Variants in KLF8 observed in about 807,000 individuals in gnomAD.
KLF8 encodes the protein KLF transcription factor 8, also known as Krueppel-like factor 8.
Under a neutral mutation model 18.2 loss-of-function variants are expected in KLF8, and 10 were observed. The observed-to-expected ratio is 0.55, with a 90% CI of 0.34 to 0.93. The LOEUF is 0.93. Among genes scored for constraint, KLF8 ranks in the 40% least tolerant of loss-of-function variants. KLF8 has a pLI of 0.02. For missense variants in KLF8, 264 were observed against 277.9 expected (o/e 0.95, Z 0.36); for synonymous variants, 109 against 97.3 (o/e 1.12, Z -0.71).
chrX:55,944,040 T>C, the KLF8 span, among the ~76,000 whole-genome samples: 1 of 112,508 alleles, frequency 8.9e-6, no homozygotes, highest in South Asian at 3.7e-4. Context: ...GTTTTTAGCA[T>C]GAAGTGTTGA....
At chrX:55,944,751 A>G in the KLF8 span, among the ~76,000 whole-genome samples, 1 of 111,003 alleles carries the variant, frequency 9.0e-6, no homozygotes, top group Admixed American at 9.6e-5. Context: ...CTAGTGGTCT[A>G]TCAATTTTGT....
chrX:56,251,200 T>C (rs1249580296), intron 2 of KLF8, among the ~76,000 whole-genome samples: 2 of 112,256 alleles, frequency 1.8e-5, no homozygotes, highest in African/African-American at 6.5e-5. Context: ...ATCTGGATTT[T>C]ATGTCCCAGG....
At chrX:56,160,388 G>A in the KLF8 span, among the ~76,000 whole-genome samples, 1 of 111,675 alleles carries the variant, frequency 9.0e-6, no homozygotes, top group Non-Finnish European at 1.9e-5. Context: ...GGAGAGTTCT[G>A]TAGATATCTA....
At chrX:56,136,673 C>G in the KLF8 span, among the ~76,000 whole-genome samples, 1 of 111,528 alleles carries the variant, frequency 9.0e-6, no homozygotes, top group Non-Finnish European at 1.9e-5. Context: ...CTAGGCATTA[C>G]CATACAGGAC....
chrX:56,235,783 A>G (rs183616240), intron 1 of KLF8, among the ~76,000 whole-genome samples: 11 of 111,773 alleles, frequency 9.8e-5, no homozygotes, highest in African/African-American at 3.6e-4. Flanking sequence ...CTGTTTCCTC[A>G]TCTCTAAAAT....
At chrX:56,043,271 G>A in the KLF8 span, among the ~76,000 whole-genome samples, 3 of 109,673 alleles carry the variant, frequency 2.7e-5, no homozygotes, top group Non-Finnish European at 3.8e-5. Context: ...TGACCTTGGA[G>A]AATTGGATGA....
the KLF8 span, among the ~76,000 whole-genome samples, chrX:56,218,732 G>A: frequency 8.9e-6 from 1 of 112,004 alleles, no homozygotes; most frequent in African/African-American, 3.2e-5. Context: ...AGGTCCCAAA[G>A]GGGCAAATCT....
the KLF8 span, among the ~76,000 whole-genome samples, chrX:56,181,588 C>G: frequency 9.0e-6 from 1 of 111,491 alleles, no homozygotes; most frequent in Non-Finnish European, 1.9e-5. Context: ...GCATGTTTTT[C>G]AGTAGCTGGT....
chrX:55,953,475 T>A, the KLF8 span, among the ~76,000 whole-genome samples: 2 of 110,020 alleles, frequency 1.8e-5, no homozygotes, highest in Non-Finnish European at 3.8e-5. Context: ...CAGAAATTGA[T>A]AAGGTGACCC....
chrX:56,011,313 T>A, the KLF8 span, among the ~76,000 whole-genome samples: 8 of 112,097 alleles, frequency 7.1e-5, no homozygotes, highest in African/African-American at 2.6e-4. Context: ...CAAGATTGAG[T>A]AATTCACTCA....
the KLF8 span, among the ~76,000 whole-genome samples, chrX:56,190,149 G>A: frequency 9.0e-6 from 1 of 111,339 alleles, no homozygotes; most frequent in Non-Finnish European, 1.9e-5. Flanking sequence ...TATATTGCAT[G>A]CCATTGGAAA....
chrX:56,164,825 A>G, the KLF8 span, among the ~76,000 whole-genome samples: 1 of 87,138 alleles, frequency 1.1e-5, no homozygotes, highest in African/African-American at 4.4e-5. Context: ...ATATGTATAC[A>G]TGTGCCATGC....
chrX:56,105,815 A>G, the KLF8 span, among the ~76,000 whole-genome samples: 1 of 111,552 alleles, frequency 9.0e-6, no homozygotes, highest in African/African-American at 3.3e-5. Flanking sequence ...CATAGCATCA[A>G]TGGTCTTTAC....
the KLF8 span, among the ~76,000 whole-genome samples, chrX:56,049,283 G>A: frequency 9.9e-5 from 11 of 111,143 alleles, no homozygotes; most frequent in African/African-American, 2.9e-4. Context: ...GATTATCCTG[G>A]CCAGAACTTC....
upstream of KLF8, among the ~76,000 whole-genome samples, chrX:56,229,451 C>A (rs1316538958): frequency 8.9e-6 from 1 of 111,787 alleles, no homozygotes; most frequent in Non-Finnish European, 1.9e-5. Flanking sequence ...TTATTCTAGC[C>A]AGCTAAAGAA....
the KLF8 span, among the ~76,000 whole-genome samples, chrX:56,095,610 A>T: frequency 3.6e-5 from 4 of 112,320 alleles, no homozygotes; most frequent in South Asian, 1.4e-3. Context: ...ACAACAGGAA[A>T]AAAACAAATA....
the KLF8 span, among the ~76,000 whole-genome samples, chrX:56,021,065 T>C: frequency 0.015 from 1,668 of 112,427 alleles, 39 homozygotes; most frequent in African/African-American, 0.051. Context: ...CATGCACAGC[T>C]CAGCAAGTTT....
chrX:56,057,838 G>A, the KLF8 span, among the ~76,000 whole-genome samples: 2 of 110,139 alleles, frequency 1.8e-5, no homozygotes, highest in African/African-American at 6.6e-5. Context: ...GAAACTCTCT[G>A]GGCTTCACCT....
the KLF8 span, among the ~76,000 whole-genome samples, chrX:55,996,146 G>A: frequency 1.8e-5 from 2 of 111,570 alleles, no homozygotes; most frequent in Admixed American, 9.5e-5. Context: ...TCTCAGCTTG[G>A]TCTATTCTGC....
Sources: gnomAD v4.1 joint callset for allele counts (sites outside exome capture counted in the v4.1 genomes callset) on GRCh38, gnomAD v4.1.1 for gene constraint, MANE v1.5 for transcripts, NCBI Gene and HGNC (gene_info 2026-07-23, HGNC 2026-07-21) for gene names.